BRWD1: variants seen among roughly 807,000 people sequenced by gnomAD.
The protein encoded by BRWD1 is bromodomain and WD repeat domain containing 1.
BRWD1 carries 82 observed loss-of-function variants against 251.2 expected under a neutral mutation model. That is an observed-to-expected ratio of 0.33 (90% CI 0.27 to 0.39). The LOEUF (loss-of-function observed/expected upper bound fraction) is 0.39, where lower values mean the gene tolerates loss of function less well. BRWD1 is among the 10% of genes least tolerant of loss of function. BRWD1 has a pLI of 1.00. For missense variants in BRWD1, 2,233 were observed against 2,711.6 expected (o/e 0.82, Z 3.92); for synonymous variants, 918 against 902.8 (o/e 1.02, Z -0.30).
intron 4 of BRWD1, among the ~76,000 whole-genome samples, chr21:39,303,914 G>C (rs1036603556): frequency 6.6e-6 from 1 of 151,892 alleles, no homozygotes. Flanking sequence ...TCCTGAGGCG[G>C]GTGGATCACC....
intron 22 of BRWD1, 24 bp downstream of exon 22, chr21:39,238,455 G>A: frequency 6.4e-7 from 1 of 1,574,262 alleles, no homozygotes; most frequent in South Asian, 1.1e-5. Context: ...ATGCTTAAAA[G>A]ACCACAACAA....
intron 12 of BRWD1, among the ~76,000 whole-genome samples, chr21:39,275,623 T>A (rs994099515): frequency 6.6e-6 from 1 of 152,344 alleles, no homozygotes; most frequent in African/African-American, 2.4e-5. Flanking sequence ...ATGCTCAGTA[T>A]GTGAAGTGGC....
At chr21:39,207,451 A>AACACACACACACACACACACACAC (rs58765400) in intron 36 of BRWD1, among the ~76,000 whole-genome samples, 12 of 131,314 alleles carry the variant, frequency 9.1e-5, no homozygotes, top group East Asian at 2.1e-4. Flanking sequence ...AAAAAAAGAA[A>AACACACACACACACACACACACAC]ACACACACAC....
intron 32 of BRWD1, among the ~76,000 whole-genome samples, 188 bp from the exon 33 acceptor site, chr21:39,213,741 T>G (rs1467469905): frequency 6.6e-6 from 1 of 152,100 alleles, no homozygotes; most frequent in Non-Finnish European, 1.5e-5. Flanking sequence ...TTTAGAATCT[T>G]GAAGGTTTTT....
chr21:39,231,380 T>C (rs2033610325), intron 25 of BRWD1, among the ~76,000 whole-genome samples: 1 of 152,148 alleles, frequency 6.6e-6, no homozygotes, highest in African/African-American at 2.4e-5. Flanking sequence ...CAACAAATAT[T>C]TTTCAACCTT....
At chr21:39,255,539 A>C (rs987141572) in intron 19 of BRWD1, 106 bp downstream of exon 19, 3 of 925,636 alleles carry the variant, frequency 3.2e-6, no homozygotes, top group Non-Finnish European at 4.8e-6. Context: ...TTACTAATAT[A>C]TTTATACAAT....
rs1260569795 is a variant in BRWD1 at position 39,203,463 on chromosome 21, G to A, written c.4365-918C>T. On this transcript the variant is annotated intron_variant, in intron 37 of 40. Transcript: ENST00000342449. ...CTTTTTTTTTTTTTTTTTTTTTTTT[G>A]AGACAGAGTCTCTGCTCACTGCAAG... Among the ~76,000 whole-genome samples, 120 of 25,502 alleles carry A rather than the reference G, an allele frequency of 4.7e-3. 1 individual carries two copies. Among genetic ancestry groups the A allele is most frequent in the Admixed American group, 7.2e-3 (21 of 2,920 alleles). The allele number at this position is 25,502 out of a possible 152,430, so 16.7% of individuals were successfully genotyped here.
chr21:39,258,642 C>T lies in BRWD1; in HGVS notation c.1916G>A (p.Ser639Asn), dbSNP rs766969891. 6.2e-7 allele frequency: 1 copy of T among 1,604,728 alleles called. No individual in the cohort carries two copies. Among genetic ancestry groups the T allele is most frequent in the East Asian group, 2.2e-5 (1 of 44,602 alleles). Reference protein sequence around the residue: ...SDGEVIEQIISLQTNDNDERS... With the variant: ...SDGEVIEQIINLQTNDNDERS... ...TTCATCATTATCATTGGTTTGCAGG[C>T]TTATAATTTGTTCAATCACCTCTCC... Residue 639 changes from serine (S) to asparagine (N), a missense_variant, in exon 18 of 41, where the codon AGC (serine) becomes AAC (asparagine). Around this residue, in one of 12 missense-constraint regions of BRWD1, gnomAD observed 315 missense variants for 421.8 expected, o/e 0.75. Coordinates refer to ENST00000342449, the MANE Select transcript of BRWD1 (RefSeq NM_033656.4).
chr21:39,269,319 C>G (rs2035029377), intron 15 of BRWD1, among the ~76,000 whole-genome samples: 1 of 150,582 alleles, frequency 6.6e-6, no homozygotes, highest in Admixed American at 6.6e-5. Context: ...GATGTTTGAT[C>G]TCTATTTCAA....
At position 39,232,160 on chromosome 21, in the gene BRWD1, T is replaced by C. The variant is rs373425299; in HGVS notation, c.3000+17A>G. ...TGTGCTAAAATGTTTAATGATTTAA[T>C]AATGCCATCATCCTACCCTAAGATC... On this transcript the variant is annotated intron_variant, in intron 25 of 40. Coordinates refer to ENST00000342449, the MANE Select transcript of BRWD1 (RefSeq NM_033656.4). 5.9e-6 allele frequency: 9 copies of C among 1,537,104 alleles called. No homozygotes were observed. Among genetic ancestry groups the C allele is most frequent in the Non-Finnish European group, 7.2e-6 (8 of 1,114,244 alleles).
At chr21:39,236,475 G>C (rs1229868159) in intron 23 of BRWD1, 120 bp downstream of exon 23, 6 of 932,652 alleles carry the variant, frequency 6.4e-6, no homozygotes, top group Non-Finnish European at 9.4e-6. Flanking sequence ...CCAGAGCAGG[G>C]CCCAAGACAC....
upstream of BRWD1, chr21:39,314,273 A>G (rs1261250929): frequency 2.2e-6 from 1 of 455,882 alleles, no homozygotes; most frequent in Non-Finnish European, 4.4e-6. Context: ...TGCGGCGCTG[A>G]AGGCTGCCGA....
At chr21:39,311,449 C>G (rs1477132914) in intron 4 of BRWD1, among the ~76,000 whole-genome samples, 1 of 152,124 alleles carries the variant, frequency 6.6e-6, no homozygotes, top group Non-Finnish European at 1.5e-5. Flanking sequence ...GCCACTGCAC[C>G]CAGCCCCTAT....
intron 4 of BRWD1, among the ~76,000 whole-genome samples, chr21:39,300,915 A>G (rs994369650): frequency 1.3e-5 from 2 of 152,198 alleles, no homozygotes; most frequent in African/African-American, 4.8e-5. Flanking sequence ...CAAGAAAAAT[A>G]AATGCAAAGA....
intron 36 of BRWD1, among the ~76,000 whole-genome samples, chr21:39,206,614 T>C (rs1246325651): frequency 6.6e-6 from 1 of 152,178 alleles, no homozygotes; most frequent in African/African-American, 2.4e-5. Flanking sequence ...AGATGGGAAG[T>C]TGAATGGTTT....
At position 39,294,071 on chromosome 21, in the gene BRWD1, C is replaced by A. The variant is rs1328912802; in HGVS notation, c.610-39G>T. 10 of 1,527,158 alleles carry A rather than the reference C, an allele frequency of 6.5e-6. No individual in the cohort carries two copies. The Middle Eastern group carries it at 9.3e-4, about 142-fold the overall frequency. The allele number at this position is 1,527,158 out of a possible 1,614,324, so 94.6% of individuals were successfully genotyped here. A position where few individuals can be genotyped will look rare whatever the true frequency, so the allele number is the denominator to read the frequency against. ...TATCCAAAAATTAATGTTAGTACAGCAAATCTTTTAAATATTAAAAGAATA... is the reference window on the plus strand; with the variant it reads ...TATCCAAAAATTAATGTTAGTACAGAAAATCTTTTAAATATTAAAAGAATA... On this transcript the variant is annotated intron_variant, in intron 7 of 40. Coordinates refer to ENST00000342449, the MANE Select transcript of BRWD1 (RefSeq NM_033656.4).
At chr21:39,309,018 A>G (rs894864457) in intron 4 of BRWD1, among the ~76,000 whole-genome samples, 1 of 152,038 alleles carries the variant, frequency 6.6e-6, no homozygotes, top group Non-Finnish European at 1.5e-5. Flanking sequence ...TACTAAAACT[A>G]CGAAAATTAG....
chr21:39,311,801 A>T (rs1275980214), intron 4 of BRWD1, among the ~76,000 whole-genome samples: 4 of 152,254 alleles, frequency 2.6e-5, no homozygotes, highest in African/African-American at 9.6e-5. Context: ...TCAAGTGTTA[A>T]CTGTTCATGG....
chr21:39,212,224 A>C (rs1234959661), intron 34 of BRWD1, among the ~76,000 whole-genome samples: 5 of 152,142 alleles, frequency 3.3e-5, no homozygotes. Context: ...CTTATCCTTC[A>C]AATTGTATTA....
Sources: allele counts gnomAD v4.1 joint callset (sites outside exome capture counted in the v4.1 genomes callset), GRCh38; gene constraint gnomAD v4.1.1; regional missense constraint gnomAD v4.1.1; transcripts MANE v1.5; gene names NCBI Gene and HGNC (gene_info 2026-07-23, HGNC 2026-07-21).